The following TFEC variants were observed in gnomAD, a reference collection of about 807,000 sequenced individuals.
The protein encoded by TFEC is transcription factor EC.
TFEC carries 31 observed loss-of-function variants against 41.6 expected under a neutral mutation model. That is an observed-to-expected ratio of 0.74 (90% CI 0.56 to 1.01). The LOEUF is 1.01. Ranked by LOEUF, TFEC falls within the 50% of genes least tolerant of loss-of-function variation. The probability of loss-of-function intolerance (pLI) is 0.00; values close to 1 mark genes in which losing one functional copy is unlikely to be tolerated. For missense variants in TFEC, 402 were observed against 404.1 expected (o/e 0.99, Z 0.04); for synonymous variants, 143 against 140.6 (o/e 1.02, Z -0.12).
chr7:116,048,436 G>C (rs1258680843), intron 3 of TFEC, among the ~76,000 whole-genome samples: 2 of 152,198 alleles, frequency 1.3e-5, no homozygotes, highest in Admixed American at 6.5e-5. Flanking sequence ...AGAGAAAAAA[G>C]AGTAAAAAGA....
rs117184869 is a variant in TFEC at position 116,065,099 on chromosome 7, T to C, written c.198+45609A>G. On this transcript the variant is annotated intron_variant, in intron 3 of 8. Transcript: ENST00000484212. ...AGAACACTCACAGCCAGGCCACTAC[T>C]CTTCGAAAAGGAGACTTAGATGATC... Among the ~76,000 whole-genome samples, 129 of 152,276 alleles carry C rather than the reference T, an allele frequency of 8.5e-4. No homozygotes were observed. The East Asian group carries it at 0.018, about 21-fold the overall frequency.
chr7:115,995,115 C>T (rs1292547526), intron 1 of TFEC, among the ~76,000 whole-genome samples: 7 of 149,000 alleles, frequency 4.7e-5, no homozygotes, highest in African/African-American at 1.5e-4. Flanking sequence ...CCAAACACCA[C>T]ATGTTCTCAC....
Position 116,052,952 on chromosome 7 carries a change from G to A in TFEC, c.198+57756C>T, listed in dbSNP as rs549852863. Among the ~76,000 whole-genome samples the A allele has an allele frequency of 1.7e-3, 263 of 151,918 alleles. 2 individuals carry two copies. Among genetic ancestry groups the A allele is most frequent in the South Asian group, 0.014 (69 of 4,798 alleles). On this transcript the variant is annotated intron_variant, in intron 3 of 8. Coordinates refer to the TFEC transcript ENST00000484212. Reference sequence around the variant, plus strand: ...CTGGGCTTGGTGGCAGTCACCTGTAGTCCCAGCTACTCGGGAGGCTGAGGC... The same window carrying A: ...CTGGGCTTGGTGGCAGTCACCTGTAATCCCAGCTACTCGGGAGGCTGAGGC...
At chr7:116,134,171 TA>T (rs1387330974) in intron 1 of TFEC, among the ~76,000 whole-genome samples, 1 of 152,100 alleles carries the variant, frequency 6.6e-6, no homozygotes, top group Non-Finnish European at 1.5e-5. Flanking sequence ...TTAAAAGAAA[TA>T]AAATTAATAT....
intron 1 of TFEC, among the ~76,000 whole-genome samples, chr7:116,119,720 A>G (rs1798068702): frequency 6.6e-6 from 1 of 151,856 alleles, no homozygotes; most frequent in Non-Finnish European, 1.5e-5. Flanking sequence ...GGGTAATTAC[A>G]TTTTATTTAC....
exon 1 of TFEC, chr7:116,159,866 T>C (rs1210391445): frequency 6.6e-6 from 1 of 152,128 alleles, no homozygotes; most frequent in Non-Finnish European, 1.5e-5. Context: ...AAGCATTATC[T>C]TTCTGTTTAC....
intron 3 of TFEC, among the ~76,000 whole-genome samples, chr7:116,063,731 A>G (rs10240539): frequency 0.1 from 15,543 of 152,224 alleles, 882 homozygotes; most frequent in African/African-American, 0.14. Flanking sequence ...TATTCTTTAC[A>G]TAATGTCCTC....
At chr7:116,069,210 G>T (rs895538828) in intron 3 of TFEC, among the ~76,000 whole-genome samples, 5 of 151,502 alleles carry the variant, frequency 3.3e-5, no homozygotes, top group Non-Finnish European at 7.4e-5. Flanking sequence ...TGGCAAAATT[G>T]ATTAGAAGAA....
chr7:116,015,442 G>A (rs537437393), intron 1 of TFEC, among the ~76,000 whole-genome samples: 30 of 152,178 alleles, frequency 2.0e-4, no homozygotes, highest in African/African-American at 7.2e-4. Flanking sequence ...GAAAGCAGAA[G>A]CTATCCATAA....
rs1039223257 is a variant in TFEC at position 115,936,650 on chromosome 7, T to C, written c.*3901A>G. The C allele has an allele frequency of 2.0e-5, 3 of 151,606 alleles. No homozygotes were observed. The highest frequency in any genetic ancestry group is 7.3e-5 in the African/African-American group (3 of 41,374). 9.4% of individuals were successfully genotyped at this position (151,606 alleles called of 1,614,324 possible). ...ATAAGAAAATTCCTATATGACTCAG[T>C]TTTTCAAAATAAAATAAAAATATAT... On this transcript the variant is annotated 3_prime_UTR_variant, in exon 8 of 8. Coordinates refer to ENST00000265440, the MANE Select transcript of TFEC (RefSeq NM_012252.4).
chr7:116,110,953 G>T, intron 2 of TFEC: 1 of 1,362,116 alleles, frequency 7.3e-7, no homozygotes, highest in East Asian at 2.6e-5. Flanking sequence ...AAAAAAAGGA[G>T]CACTGTAAAA....
intron 3 of TFEC, among the ~76,000 whole-genome samples, chr7:115,967,500 A>T: frequency 6.6e-6 from 1 of 151,826 alleles, no homozygotes; most frequent in East Asian, 1.9e-4. Context: ...ATTAATGTAG[A>T]TGCAATAAAC....
intron 1 of TFEC, among the ~76,000 whole-genome samples, chr7:115,986,326 A>G (rs929678230): frequency 6.6e-6 from 1 of 152,304 alleles, no homozygotes; most frequent in South Asian, 2.1e-4. Context: ...TAGTATCCCT[A>G]TTGCACTATA....
At chr7:116,098,272 G>A (rs1475284895) in intron 3 of TFEC, among the ~76,000 whole-genome samples, 2 of 151,980 alleles carry the variant, frequency 1.3e-5, no homozygotes, top group Admixed American at 1.3e-4. Flanking sequence ...CGATTCTCCT[G>A]CCTCAGTCTC....
intron 1 of TFEC, among the ~76,000 whole-genome samples, chr7:116,011,249 G>A (rs1419278754): frequency 6.6e-6 from 1 of 152,076 alleles, no homozygotes; most frequent in Non-Finnish European, 1.5e-5. Context: ...CTAACCCTAG[G>A]ATTTTGGATA....
intron 1 of TFEC, among the ~76,000 whole-genome samples, chr7:116,014,443 C>A (rs1336149572): frequency 6.6e-6 from 1 of 151,166 alleles, no homozygotes; most frequent in Non-Finnish European, 1.5e-5. Context: ...TAGAGGAGGA[C>A]CCAAAATTCT....
chr7:116,100,344 A>T (rs1301760381), intron 3 of TFEC, among the ~76,000 whole-genome samples: 1 of 152,174 alleles, frequency 6.6e-6, no homozygotes, highest in African/African-American at 2.4e-5. Flanking sequence ...AAATCATGTT[A>T]TTAAGAGTAA....
At chr7:116,105,224 G>T (rs1797690022) in intron 3 of TFEC, among the ~76,000 whole-genome samples, 1 of 152,136 alleles carries the variant, frequency 6.6e-6, no homozygotes, top group Non-Finnish European at 1.5e-5. Flanking sequence ...AGGCAGACAT[G>T]AGAGTCCTGA....
chr7:115,965,277 G>C (rs1792787984), intron 3 of TFEC, among the ~76,000 whole-genome samples: 1 of 151,580 alleles, frequency 6.6e-6, no homozygotes, highest in African/African-American at 2.4e-5. Flanking sequence ...TTCAGGCTTA[G>C]ATATTCTGAT....
Sources: allele counts gnomAD v4.1 joint callset (sites outside exome capture counted in the v4.1 genomes callset), GRCh38; gene constraint gnomAD v4.1.1; transcripts MANE v1.5; gene names NCBI Gene and HGNC (gene_info 2026-07-23, HGNC 2026-07-21).